The following ELFN2 variants were observed in gnomAD, a reference collection of about 807,000 sequenced individuals.
ELFN2 encodes the protein extracellular leucine rich repeat and fibronectin type III domain containing 2, also known as protein phosphatase 1 regulatory subunit 29.
Under a neutral mutation model 45.5 loss-of-function variants are expected in ELFN2, and 17 were observed. The ratio of observed to expected loss-of-function variants is 0.37; its 90% CI spans 0.26 to 0.56. ELFN2 has a LOEUF of 0.56. ELFN2 is among the 20% of genes least tolerant of loss of function. The probability of loss-of-function intolerance (pLI) is 0.77; values close to 1 mark genes in which losing one functional copy is unlikely to be tolerated. For missense variants in ELFN2, 922 were observed against 1,183.2 expected (o/e 0.78, Z 3.24); for synonymous variants, 550 against 551.5 (o/e 1.00, Z 0.04).
intron 1 of ELFN2, among the ~76,000 whole-genome samples, chr22:37,423,221 G>A (rs1452472907): frequency 6.6e-6 from 1 of 152,164 alleles, no homozygotes; most frequent in Non-Finnish European, 1.5e-5. Flanking sequence ...TCCCATCTCT[G>A]TGGGGAATGG....
At chr22:37,366,958 G>C (rs11914233), downstream of ELFN2, among the ~76,000 whole-genome samples, 1,641 of 152,332 alleles carry the variant, frequency 0.011, 26 homozygotes, top group African/African-American at 0.038. Context: ...ATGGAGGCAG[G>C]CAGGGGGGCA....
chr22:37,381,797 T>A, intron 2 of ELFN2, among the ~76,000 whole-genome samples: 2 of 151,134 alleles, frequency 1.3e-5, no homozygotes, highest in Middle Eastern at 3.4e-3. Flanking sequence ...AGGCTAGGGA[T>A]GGTGGGGAGA....
At chr22:37,351,443 G>T (rs12168322) in intron 1 of ELFN2, among the ~76,000 whole-genome samples, 1 of 149,094 alleles carries the variant, frequency 6.7e-6, no homozygotes, top group African/African-American at 2.4e-5. Context: ...ACCTCTCCTC[G>T]AGTGACAGGT....
At chr22:37,367,545 G>T (rs1274172508), downstream of ELFN2, among the ~76,000 whole-genome samples, 1 of 152,214 alleles carries the variant, frequency 6.6e-6, no homozygotes, top group African/African-American at 2.4e-5. Flanking sequence ...CACTGATGGG[G>T]GGCTTTTCTC....
chr22:37,409,294 C>T lies in ELFN2; in HGVS notation c.-463+8475G>A, dbSNP rs912507476. 9.9e-5 allele frequency among the ~76,000 whole-genome samples: 15 copies of T among 152,166 alleles called. 1 individual carries two copies. The East Asian group carries it at 1.7e-3, about 18-fold the overall frequency. The stretch of plus-strand genomic sequence containing the variant: ...AGGACCCTGGGAAGCTCCTGGGCCC[C>T]GAAGCAGCTCCCTGTGGCCCCAAGG... On this transcript the variant is annotated intron_variant, in intron 2 of 2. Transcript: ENST00000402918.
At chr22:37,389,600 C>T (rs6000706) in intron 2 of ELFN2, among the ~76,000 whole-genome samples, 2,147 of 152,218 alleles carry the variant, frequency 0.014, 38 homozygotes, top group African/African-American at 0.049. Context: ...GATCATCTCC[C>T]CCATTTTACA....
intron 2 of ELFN2, among the ~76,000 whole-genome samples, chr22:37,400,067 C>G (rs533904028): frequency 6.6e-6 from 1 of 152,162 alleles, no homozygotes; most frequent in Non-Finnish European, 1.5e-5. Context: ...AAGCCCTCCA[C>G]GTCCCCAGCC....
intron 1 of ELFN2, among the ~76,000 whole-genome samples, chr22:37,361,804 A>G (rs1931093919): frequency 6.6e-6 from 1 of 152,222 alleles, no homozygotes. Flanking sequence ...GACCTCTAAC[A>G]GGTTTGAATT....
chr22:37,403,308 C>G (rs969732221), intron 2 of ELFN2, among the ~76,000 whole-genome samples: 1 of 152,102 alleles, frequency 6.6e-6, no homozygotes, highest in Non-Finnish European at 1.5e-5. Flanking sequence ...AGCTCCTAGA[C>G]ATCCCTACCA....
exon 2 of ELFN2, chr22:37,342,607 C>G (rs901565655): frequency 1.6e-5 from 2 of 123,098 alleles, no homozygotes; most frequent in African/African-American, 3.7e-5. Context: ...CCACCTTGTT[C>G]TTCTGGAAAT....
chr22:37,362,926 C>A (rs1418093841), intron 1 of ELFN2, among the ~76,000 whole-genome samples: 2 of 152,160 alleles, frequency 1.3e-5, no homozygotes, highest in African/African-American at 4.8e-5. Flanking sequence ...CTACCGCCAT[C>A]GTCCCTGCCC....
At chr22:37,352,045 C>G (rs1450928467) in intron 1 of ELFN2, 1 of 150,816 alleles carries the variant, frequency 6.6e-6, no homozygotes, top group African/African-American at 2.4e-5. Flanking sequence ...ACCAGCACCA[C>G]CTGGCCTCAT....
chr22:37,351,137 TCTCCTCC>T (rs1364160889), intron 1 of ELFN2, among the ~76,000 whole-genome samples: 1 of 149,196 alleles, frequency 6.7e-6, no homozygotes, highest in Admixed American at 6.7e-5. Context: ...GCCTGCCTCC[TCTCCTCC>T]CTCCTCCCTC....
chr22:37,388,637 T>G (rs1569136727), intron 2 of ELFN2, among the ~76,000 whole-genome samples: 2 of 152,110 alleles, frequency 1.3e-5, no homozygotes, highest in Non-Finnish European at 2.9e-5. Context: ...TTTGCACAGA[T>G]CTCAGGGGAC....
At chr22:37,365,412 G>A (rs907380208), downstream of ELFN2, among the ~76,000 whole-genome samples, 21 of 152,164 alleles carry the variant, frequency 1.4e-4, no homozygotes, top group Non-Finnish European at 1.3e-4. Flanking sequence ...CCCCAGCAGA[G>A]ACCAGGGAAC....
chr22:37,374,738 T>C lies in ELFN2; in HGVS notation c.797A>G (p.Gln266Arg), dbSNP rs1361300118. 1.2e-6 allele frequency: 2 copies of C among 1,611,196 alleles called. No homozygotes were observed. Among genetic ancestry groups the C allele is most frequent in the Non-Finnish European group, 1.7e-6 (2 of 1,178,924 alleles). The change falls in exon 3 of 3, where the codon CAG becomes CGG. Residue 266 changes from glutamine to arginine, a missense_variant. Gln to Arg is a conservative substitution (Grantham distance 43). Coordinates refer to ENST00000402918, the MANE Select transcript of ELFN2 (RefSeq NM_052906.5). ...SHPTPYSTDAQREPDENSGFN... is the reference protein window; with the variant it reads ...SHPTPYSTDARREPDENSGFN... ...GCCCGAGTTCTCGTCTGGCTCCCTC[T>C]GGGCGTCGGTGGAGTAGGGCGTGGG... is the stretch of plus-strand genomic sequence containing the variant.
chr22:37,358,167 C>T (rs1455265135), intron 1 of ELFN2, among the ~76,000 whole-genome samples: 1 of 152,174 alleles, frequency 6.6e-6, no homozygotes, highest in Non-Finnish European at 1.5e-5. Context: ...TCCCCCAGGC[C>T]AGACCCCGTG....
chr22:37,407,733 TAA>T (rs113746773), intron 2 of ELFN2, among the ~76,000 whole-genome samples: 1 of 144,622 alleles, frequency 6.9e-6, no homozygotes, highest in African/African-American at 2.5e-5. Flanking sequence ...CCATCTCTAC[TAA>T]AAAAAAAAAA....
chr22:37,364,201 A>G (rs1296928665), downstream of ELFN2, among the ~76,000 whole-genome samples: 1 of 152,174 alleles, frequency 6.6e-6, no homozygotes, highest in African/African-American at 2.4e-5. Flanking sequence ...TTTCCTGGAA[A>G]AAGGGGCTTG....
Sources: gnomAD v4.1 joint callset for allele counts (sites outside exome capture counted in the v4.1 genomes callset) on GRCh38, gnomAD v4.1.1 for gene constraint, MANE v1.5 for transcripts, NCBI Gene and HGNC (gene_info 2026-07-23, HGNC 2026-07-21) for gene names.